The following DIP2C variants were observed in gnomAD, a reference collection of about 807,000 sequenced individuals.
DIP2C encodes disco-interacting protein 2 homolog C.
In DIP2C, 33 loss-of-function variants were observed where a neutral mutation model predicts 192.4. That is an observed-to-expected ratio of 0.17 (90% CI 0.13 to 0.23). The LOEUF (loss-of-function observed/expected upper bound fraction) is 0.23. Among genes scored for constraint, DIP2C ranks in the 10% least tolerant of loss-of-function variants. DIP2C has a pLI of 1.00. For missense variants in DIP2C, 1,537 were observed against 2,110.1 expected (o/e 0.73, Z 5.32); for synonymous variants, 979 against 864.1 (o/e 1.13, Z -2.33).
intron 24 of DIP2C, among the ~76,000 whole-genome samples, chr10:352,251 A>T (rs942202594): frequency 6.6e-6 from 1 of 152,270 alleles, no homozygotes; most frequent in South Asian, 2.1e-4. Context: ...AGACACAGCC[A>T]GCAGCCAAGA....
intron 1 of DIP2C, among the ~76,000 whole-genome samples, chr10:603,521 T>C (rs1260769155): frequency 4.6e-5 from 7 of 152,122 alleles, no homozygotes; most frequent in Non-Finnish European, 1.0e-4. Flanking sequence ...CAGGTATACC[T>C]GGAACAAGAC....
At chr10:672,351 G>A (rs1324441400) in intron 1 of DIP2C, among the ~76,000 whole-genome samples, 1 of 152,210 alleles carries the variant, frequency 6.6e-6, no homozygotes, top group Non-Finnish European at 1.5e-5. Flanking sequence ...GGCCAGAGAC[G>A]CGCACACGCC....
At chr10:600,792 T>G (rs1345069669) in intron 1 of DIP2C, among the ~76,000 whole-genome samples, 1 of 152,244 alleles carries the variant, frequency 6.6e-6, no homozygotes, top group Non-Finnish European at 1.5e-5. Context: ...AAACACTGAT[T>G]GGCACCAAGT....
intron 1 of DIP2C, among the ~76,000 whole-genome samples, chr10:627,235 G>A (rs1359812008): frequency 6.6e-6 from 1 of 152,224 alleles, no homozygotes. Flanking sequence ...TTTCCCTCCA[G>A]GCGTCATGCC....
chr10:584,797 A>C (rs1370561216), intron 1 of DIP2C, among the ~76,000 whole-genome samples: 1 of 107,144 alleles, frequency 9.3e-6, no homozygotes, highest in Non-Finnish European at 1.8e-5. Flanking sequence ...ATCACCTCTC[A>C]GATAATCTCG....
intron 1 of DIP2C, among the ~76,000 whole-genome samples, chr10:607,174 T>C (rs547825473): frequency 1.3e-5 from 2 of 152,296 alleles, no homozygotes; most frequent in South Asian, 2.1e-4. Context: ...CTCTACAAAG[T>C]CGTCCTTCCT....
intron 29 of DIP2C, among the ~76,000 whole-genome samples, chr10:337,410 G>GA: frequency 6.8e-6 from 1 of 147,392 alleles, no homozygotes; most frequent in Non-Finnish European, 1.5e-5. Flanking sequence ...CTACGTAGCT[G>GA]TGTGTGTGTG....
At chr10:656,758 T>G (rs1045583221) in intron 1 of DIP2C, among the ~76,000 whole-genome samples, 4 of 152,072 alleles carry the variant, frequency 2.6e-5, no homozygotes, top group African/African-American at 9.7e-5. Context: ...GACAGACGGC[T>G]GTCGGTGAAT....
intron 1 of DIP2C, among the ~76,000 whole-genome samples, chr10:660,078 A>T (rs932310391): frequency 6.6e-6 from 1 of 152,266 alleles, no homozygotes; most frequent in Non-Finnish European, 1.5e-5. Context: ...TCAGCAGAGC[A>T]GGTCGCTCAG....
chr10:390,907 C>T (rs771119957), intron 10 of DIP2C, 44 bp from the exon 11 acceptor site: 33 of 1,606,482 alleles, frequency 2.1e-5, no homozygotes, highest in Non-Finnish European at 2.7e-5. Context: ...CGACCTGCCC[C>T]ACTCCGCCCA....
chr10:407,414 T>TA (rs1337112876), intron 9 of DIP2C, among the ~76,000 whole-genome samples: 1 of 152,166 alleles, frequency 6.6e-6, no homozygotes, highest in Non-Finnish European at 1.5e-5. Context: ...ATCTCTCTCC[T>TA]AGACTCTGTT....
intron 8 of DIP2C, among the ~76,000 whole-genome samples, chr10:412,511 T>C (rs1423474659): frequency 6.6e-6 from 1 of 152,232 alleles, no homozygotes. Flanking sequence ...AAATAAAGTT[T>C]ATGCTTCATC....
intron 17 of DIP2C, among the ~76,000 whole-genome samples, chr10:372,125 C>G (rs970449003): frequency 1.3e-4 from 20 of 149,196 alleles, no homozygotes; most frequent in African/African-American, 4.2e-4. Flanking sequence ...ACCCAGGCTG[C>G]AGTGCAATGG....
intron 1 of DIP2C, among the ~76,000 whole-genome samples, chr10:497,248 C>T (rs552195054): frequency 7.9e-5 from 12 of 152,220 alleles, no homozygotes; most frequent in Non-Finnish European, 1.6e-4. Flanking sequence ...ATGTTCAGAA[C>T]AGGTTAGGCC....
chr10:348,686 T>C lies in DIP2C; in HGVS notation c.3186A>G (p.Pro1062=), dbSNP rs760265730. The C allele has an allele frequency of 2.5e-6, 4 of 1,613,772 alleles. No individual in the cohort carries two copies. The Admixed American group carries it at 6.7e-5, about 27-fold the overall frequency. Reference sequence around the variant, plus strand: ...TAGGCAACGTCGTCGCGATGTTCTGTGGGTGCGGGGGACGGACGGTTATTG... The same window carrying C: ...TAGGCAACGTCGTCGCGATGTTCTGCGGGTGCGGGGGACGGACGGTTATTG... ...CVPITVRPPH[P]QNIATTLPTV... Residue 1062 remains proline (P), a synonymous_variant, in exon 26 of 37, where the codon CCA becomes CCG. Coordinates refer to ENST00000280886, the MANE Select transcript of DIP2C (RefSeq NM_014974.3).
intron 14 of DIP2C, 127 bp from the exon 15 acceptor site, chr10:384,766 A>C (rs1026092372): frequency 1.7e-5 from 15 of 873,690 alleles, no homozygotes; most frequent in East Asian, 4.9e-5. Context: ...TGCAGACACC[A>C]TGCACACAGG....
At chr10:607,585 C>T (rs192185569) in intron 1 of DIP2C, among the ~76,000 whole-genome samples, 2 of 152,278 alleles carry the variant, frequency 1.3e-5, no homozygotes, top group Non-Finnish European at 2.9e-5. Context: ...TGAAAATATC[C>T]TAAATAGAAA....
intron 1 of DIP2C, among the ~76,000 whole-genome samples, chr10:496,178 C>T (rs569733193): frequency 3.3e-5 from 5 of 149,520 alleles, no homozygotes; most frequent in African/African-American, 9.9e-5. Context: ...ACCCACGGTG[C>T]CCTCCCATGT....
intron 1 of DIP2C, among the ~76,000 whole-genome samples, chr10:507,082 G>A (rs753672227): frequency 6.6e-6 from 1 of 151,660 alleles, no homozygotes; most frequent in Non-Finnish European, 1.5e-5. Context: ...TCACAGACCC[G>A]GTCACCCGCT....
Sources: gnomAD v4.1 joint callset for allele counts (sites outside exome capture counted in the v4.1 genomes callset) on GRCh38, gnomAD v4.1.1 for gene constraint, MANE v1.5 for transcripts, NCBI Gene and HGNC (gene_info 2026-07-23, HGNC 2026-07-21) for gene names.